The following FGF14 variants were observed in gnomAD, a reference collection of about 807,000 sequenced individuals.
FGF14 encodes fibroblast growth factor 14, also known as fibroblast growth factor homologous factor 4.
FGF14 carries 5 observed loss-of-function variants against 25.5 expected under a neutral mutation model. The ratio of observed to expected loss-of-function variants is 0.20; its 90% CI spans 0.10 to 0.41. The LOEUF (loss-of-function observed/expected upper bound fraction) is 0.41, where lower values mean the gene tolerates loss of function less well. FGF14 is among the 10% of genes least tolerant of loss of function. FGF14 has a pLI of 1.00. For missense variants in FGF14, 222 were observed against 320.1 expected (o/e 0.69, Z 2.34); for synonymous variants, 138 against 118.3 (o/e 1.17, Z -1.08).
intron 1 of FGF14, among the ~76,000 whole-genome samples, chr13:102,209,433 T>C (rs537848982): frequency 6.6e-6 from 1 of 152,346 alleles, no homozygotes; most frequent in East Asian, 1.9e-4. Context: ...TTCCGCACTA[T>C]ACAATAAATT....
In FGF14 at chr13:101,946,435, A is replaced by G. The variant is rs572362124; in HGVS notation, c.209-71139T>C. Among the ~76,000 whole-genome samples, 16 of 152,258 alleles carry G rather than the reference A, an allele frequency of 1.1e-4. No individual in the cohort carries two copies. The South Asian group carries it at 3.3e-3, about 32-fold the overall frequency. On this transcript the variant is annotated intron_variant, in intron 1 of 4. Transcript: ENST00000376131. The stretch of plus-strand genomic sequence containing the variant: ...AGCAGTTTGGATGTTTTTTGATAAC[A>G]GAAATTCCAAATCAAACTGTCTTAA...
intron 1 of FGF14, among the ~76,000 whole-genome samples, chr13:101,986,464 T>C (rs1410061438): frequency 6.6e-6 from 1 of 152,108 alleles, no homozygotes; most frequent in East Asian, 1.9e-4. Context: ...ATCCAAGCTG[T>C]ACCCCAGGGA....
chr13:101,786,887 G>A (rs1382963471), intron 3 of FGF14, among the ~76,000 whole-genome samples: 2 of 152,088 alleles, frequency 1.3e-5, no homozygotes, highest in African/African-American at 4.8e-5. Context: ...TGCCTTTTAA[G>A]AAACTTGAAA....
chr13:102,308,060 G>A (rs990043258), intron 1 of FGF14, among the ~76,000 whole-genome samples: 9 of 152,096 alleles, frequency 5.9e-5, no homozygotes, highest in Non-Finnish European at 5.9e-5. Flanking sequence ...GGGTGTCCTC[G>A]AGACACCAGA....
chr13:102,033,116 C>A (rs957090432), intron 1 of FGF14, among the ~76,000 whole-genome samples: 2 of 152,050 alleles, frequency 1.3e-5, no homozygotes, highest in African/African-American at 4.8e-5. Context: ...AAGTTGGAAT[C>A]CCTTTCCATG....
chr13:102,200,862 G>A (rs1212116702), intron 1 of FGF14, among the ~76,000 whole-genome samples: 2 of 151,946 alleles, frequency 1.3e-5, no homozygotes, highest in African/African-American at 4.8e-5. Context: ...CAGCACATTG[G>A]GAGGACAAGG....
At chr13:102,221,995 T>C (rs1243681483) in intron 1 of FGF14, among the ~76,000 whole-genome samples, 2 of 152,124 alleles carry the variant, frequency 1.3e-5, no homozygotes, top group Non-Finnish European at 2.9e-5. Context: ...TCAGAAATTG[T>C]TTATCTTTAG....
At chr13:102,040,506 T>C (rs914458077) in intron 1 of FGF14, among the ~76,000 whole-genome samples, 9 of 152,196 alleles carry the variant, frequency 5.9e-5, no homozygotes, top group Non-Finnish European at 1.2e-4. Flanking sequence ...CTTTGAGCCC[T>C]GACTTACACA....
chr13:102,091,917 C>A (rs925812883), intron 1 of FGF14, among the ~76,000 whole-genome samples: 5 of 152,196 alleles, frequency 3.3e-5, no homozygotes, highest in Admixed American at 6.5e-5. Context: ...TGACCACTAC[C>A]TCTACTGAAT....
intron 1 of FGF14, among the ~76,000 whole-genome samples, chr13:102,287,566 G>A (rs2054168514): frequency 6.6e-6 from 1 of 152,088 alleles, no homozygotes; most frequent in Non-Finnish European, 1.5e-5. Flanking sequence ...AGATTACATA[G>A]TAACTTATAT....
At chr13:102,131,688 G>A (rs543797852) in intron 1 of FGF14, among the ~76,000 whole-genome samples, 38 of 152,090 alleles carry the variant, frequency 2.5e-4, no homozygotes, top group African/African-American at 3.1e-4. Flanking sequence ...TTAATGCCAC[G>A]GAGATTGCTA....
intron 3 of FGF14, among the ~76,000 whole-genome samples, chr13:101,838,428 G>A (rs937207080): frequency 6.6e-6 from 1 of 151,878 alleles, no homozygotes; most frequent in African/African-American, 2.4e-5. Context: ...TTTGCTCCAG[G>A]CACAGTGATT....
In FGF14 at chr13:101,892,682, T is replaced by C. The variant is rs527521138; in HGVS notation, c.194-17386A>G. On this transcript the variant is annotated intron_variant, in intron 1 of 4. Transcript: ENST00000376143. ...ATTTGACAGTAGGCTGGTCTCCCCATAGTGTGCTGGGAAAACAGTGGGGTT... is the reference window on the plus strand; with the variant it reads ...ATTTGACAGTAGGCTGGTCTCCCCACAGTGTGCTGGGAAAACAGTGGGGTT... Among the ~76,000 whole-genome samples the C allele has an allele frequency of 7.9e-5, 12 of 152,308 alleles. No individual in the cohort carries two copies. In the South Asian group the frequency reaches 8.3e-4, roughly 11 times the overall value.
At chr13:101,739,029 GGTGT>G (rs2036370454) in intron 3 of FGF14, among the ~76,000 whole-genome samples, 1 of 139,098 alleles carries the variant, frequency 7.2e-6, no homozygotes, top group Non-Finnish European at 1.6e-5. Flanking sequence ...TATATATATA[GGTGT>G]GTGTGTACCA....
At chr13:102,336,541 G>A (rs2056793116) in intron 1 of FGF14, among the ~76,000 whole-genome samples, 1 of 152,214 alleles carries the variant, frequency 6.6e-6, no homozygotes, top group Admixed American at 6.5e-5. Context: ...TGATGCAGAA[G>A]CTGTAGCAAG....
chr13:102,149,875 T>C (rs1200079554), intron 1 of FGF14, among the ~76,000 whole-genome samples: 2 of 152,174 alleles, frequency 1.3e-5, no homozygotes, highest in Non-Finnish European at 2.9e-5. Flanking sequence ...CTAGGGAGAA[T>C]AGACAATCAC....
At chr13:102,207,624 T>TA (rs35568335) in intron 1 of FGF14, among the ~76,000 whole-genome samples, 13,157 of 92,228 alleles carry the variant, frequency 0.14, 972 homozygotes, top group Admixed American at 0.18. Flanking sequence ...CAGTTTTCAT[T>TA]AAAAAAAAAA....
chr13:101,862,686 G>A (rs9518589), intron 3 of FGF14, among the ~76,000 whole-genome samples: 5 of 152,016 alleles, frequency 3.3e-5, no homozygotes, highest in African/African-American at 9.7e-5. Flanking sequence ...GGAATTACAC[G>A]AATGCTGGAT....
At chr13:102,346,612 A>G (rs2057113840) in intron 1 of FGF14, among the ~76,000 whole-genome samples, 1 of 152,170 alleles carries the variant, frequency 6.6e-6, no homozygotes, top group South Asian at 2.1e-4. Context: ...ATATATACAC[A>G]TACATATACA....
Sources: gnomAD v4.1 joint callset for allele counts (sites outside exome capture counted in the v4.1 genomes callset) on GRCh38, gnomAD v4.1.1 for gene constraint, MANE v1.5 for transcripts, NCBI Gene and HGNC (gene_info 2026-07-23, HGNC 2026-07-21) for gene names.